KLKB1: variants seen among roughly 807,000 people sequenced by gnomAD.
KLKB1 encodes the protein plasma kallikrein.
Under a neutral mutation model 73.6 loss-of-function variants are expected in KLKB1, and 58 were observed. That is an observed-to-expected ratio of 0.79 (90% CI 0.64 to 0.98). The LOEUF is 0.98. Ranked by LOEUF, KLKB1 falls within the 50% of genes least tolerant of loss-of-function variation. The pLI is 0.00. For synonymous variants in KLKB1, 280 were observed against 258.1 expected (o/e 1.08, Z -0.81); for missense variants, 737 against 763.8 (o/e 0.96, Z 0.41).
At chr4:186,250,972 A>G (rs1362644555) in intron 7 of KLKB1, 5 of 495,416 alleles carry the variant, frequency 1.0e-5, no homozygotes, top group Non-Finnish European at 1.8e-5. Context: ...AGAAGGTGGA[A>G]CTTCATCATT....
intron 6 of KLKB1, among the ~76,000 whole-genome samples, chr4:186,244,046 G>C (rs1738197339): frequency 6.6e-6 from 1 of 152,286 alleles, no homozygotes; most frequent in African/African-American, 2.4e-5. Flanking sequence ...GAACAGAAAG[G>C]CTACAGGGCG....
At position 186,252,069 on chromosome 4, in the gene KLKB1, G is replaced by C; in HGVS notation, c.1197G>C (p.Trp399Cys). The change falls in exon 11 of 15, where the codon TGG (tryptophan) becomes TGC (cysteine). Residue 399 changes from tryptophan (W) to cysteine (C), a missense_variant. Physicochemically the swap from Trp to Cys is radical, Grantham distance 215. Transcript: ENST00000264690. ...TRIVGGTNSS[W>C]GEWPWQVSLQ... ...TTGTTGGAGGAACAAACTCTTCTTG[G>C]GGAGAGTGGCCCTGGCAGGTGAGCC... 1 of 1,614,094 alleles carries C rather than the reference G, an allele frequency of 6.2e-7. No homozygotes were observed. The highest frequency in any genetic ancestry group is 1.1e-5 in the South Asian group (1 of 91,080).
rs1739109217 is a variant in KLKB1, at chr4:186,258,024, G to T, written c.1729G>T (p.Asp577Tyr). Reference sequence around the variant, plus strand: ...TTATTTTTCCACTGTGACTCAGGGAGATTCAGGTGGTCCCTTAGTTTGCAA... The same window carrying T: ...TTATTTTTCCACTGTGACTCAGGGATATTCAGGTGGTCCCTTAGTTTGCAA... Reference protein sequence around the residue: ...KEGGKDACKGDSGGPLVCKHN... With the variant: ...KEGGKDACKGYSGGPLVCKHN... The change falls in exon 15 of 15, where the codon GAT becomes TAT. Residue 577 changes from aspartate (D) to tyrosine (Y), a missense_variant. Physicochemically the swap from Asp to Tyr is radical, Grantham distance 160. Transcript: ENST00000264690. The T allele has an allele frequency of 6.2e-7, 1 of 1,613,866 alleles. No homozygotes were observed. The highest frequency in any genetic ancestry group is 8.5e-7 in the Non-Finnish European group (1 of 1,179,746).
chr4:186,211,822 C>A (rs1299443666), intron 2 of KLKB1: 1 of 152,134 alleles, frequency 6.6e-6, no homozygotes, highest in Non-Finnish European at 1.5e-5. Context: ...GATTTTATAA[C>A]CTGGAGCAGA....
chr4:186,221,566 G>C (rs1737033540), upstream of KLKB1, among the ~76,000 whole-genome samples: 1 of 151,976 alleles, frequency 6.6e-6, no homozygotes, highest in Non-Finnish European at 1.5e-5. Context: ...TGGTTGTTCA[G>C]GAGTATGTTA....
At chr4:186,240,372 A>AT (rs1737964151) in intron 6 of KLKB1, among the ~76,000 whole-genome samples, 1 of 152,122 alleles carries the variant, frequency 6.6e-6, no homozygotes, top group Non-Finnish European at 1.5e-5. Flanking sequence ...GGACAGTGAT[A>AT]TTGTTATAGT....
At chr4:186,250,508 A>G (rs1738615273) in intron 7 of KLKB1, 106 bp downstream of exon 7, 2 of 1,330,708 alleles carry the variant, frequency 1.5e-6, no homozygotes, top group Non-Finnish European at 2.1e-6. Context: ...AGTTTCGTTC[A>G]TTTCCCTCAA....
At chr4:186,225,423 CTTTT>C (rs35336018), upstream of KLKB1, among the ~76,000 whole-genome samples, 3 of 106,674 alleles carry the variant, frequency 2.8e-5, no homozygotes, top group Admixed American at 2.0e-4. Flanking sequence ...GTGAGGATTT[CTTTT>C]TTTTTTTTTT....
chr4:186,254,031 T>C (rs1050613197), intron 11 of KLKB1, among the ~76,000 whole-genome samples: 2 of 152,022 alleles, frequency 1.3e-5, no homozygotes, highest in African/African-American at 4.8e-5. Context: ...CGAGGTTTCA[T>C]CATGTTGGTC....
At chr4:186,243,660 ACCT>A (rs1424969310) in intron 6 of KLKB1, among the ~76,000 whole-genome samples, 1 of 152,020 alleles carries the variant, frequency 6.6e-6, no homozygotes, top group Non-Finnish European at 1.5e-5. Context: ...TAGTGAGGAA[ACCT>A]CCTTCAGCCC....
chr4:186,251,195 C>A, intron 7 of KLKB1, 24 bp from the exon 8 acceptor site: 1 of 1,492,638 alleles, frequency 6.7e-7, no homozygotes, highest in South Asian at 1.1e-5. Flanking sequence ...TTCTTTCTCT[C>A]TTGCTTTTTT....
At chr4:186,221,200 A>T (rs1184886370) in intron 2 of KLKB1, among the ~76,000 whole-genome samples, 1 of 151,242 alleles carries the variant, frequency 6.6e-6, no homozygotes, top group Non-Finnish European at 1.5e-5. Flanking sequence ...TTTTTCTCCT[A>T]ATTAGGCTAA....
Position 186,254,611 on chromosome 4 carries a change from G to T in KLKB1, c.1337G>T (p.Arg446Leu). The change falls in exon 12 of 15, where the codon CGC becomes CTC. Residue 446 changes from arginine to leucine, a missense_variant. Arg to Leu is a moderately radical substitution (Grantham distance 102). Transcript: ENST00000264690. The part of the protein sequence containing the change: ...FDGLPLQDVW[R>L]IYSGILNLSD... ...AGGCTTCCCCTGCAGGATGTTTGGCGCATCTATAGTGGCATTTTAAATCTG... is the reference window on the plus strand; with the variant it reads ...AGGCTTCCCCTGCAGGATGTTTGGCTCATCTATAGTGGCATTTTAAATCTG... The T allele has an allele frequency of 4.3e-6, 7 of 1,613,884 alleles. No individual in the cohort carries two copies. Among genetic ancestry groups the T allele is most frequent in the Non-Finnish European group, 5.9e-6 (7 of 1,179,818 alleles).
chr4:186,215,677 G>A (rs1332441535), intron 2 of KLKB1, among the ~76,000 whole-genome samples: 1 of 152,036 alleles, frequency 6.6e-6, no homozygotes, highest in Middle Eastern at 3.2e-3. Flanking sequence ...GCGCTCAAGG[G>A]ATCATCCCAC....
intron 2 of KLKB1, among the ~76,000 whole-genome samples, chr4:186,215,409 CTTTCTCTCT>C (rs1209599727): frequency 8.3e-4 from 6 of 7,268 alleles, no homozygotes; most frequent in Non-Finnish European, 5.4e-3. Context: ...TCTTTCCTTG[CTTTCTCTCT>C]TGCTTTCTCT....
intron 6 of KLKB1, among the ~76,000 whole-genome samples, chr4:186,248,798 A>G (rs1738520317): frequency 6.6e-6 from 1 of 152,148 alleles, no homozygotes; most frequent in Non-Finnish European, 1.5e-5. Context: ...TACCAGCAAC[A>G]ATTGAGGGCT....
upstream of KLKB1, among the ~76,000 whole-genome samples, chr4:186,226,641 C>T (rs574934609): frequency 9.9e-4 from 151 of 152,304 alleles, no homozygotes; most frequent in African/African-American, 3.5e-3. Flanking sequence ...ATGGGGATCA[C>T]CTGGCACCTG....
At chr4:186,216,024 G>A (rs1398064676) in intron 2 of KLKB1, among the ~76,000 whole-genome samples, 2 of 152,116 alleles carry the variant, frequency 1.3e-5, no homozygotes, top group South Asian at 2.1e-4. Context: ...ACCTCAAGAC[G>A]ACATTTGCTC....
At chr4:186,226,283 C>G (rs181660274), upstream of KLKB1, among the ~76,000 whole-genome samples, 226 of 152,240 alleles carry the variant, frequency 1.5e-3, 2 homozygotes, top group African/African-American at 5.2e-3. Context: ...TTAGGGTCAC[C>G]TCCTGCTGCT....
Sources: allele counts gnomAD v4.1 joint callset (sites outside exome capture counted in the v4.1 genomes callset), GRCh38; gene constraint gnomAD v4.1.1; transcripts MANE v1.5; gene names NCBI Gene and HGNC (gene_info 2026-07-23, HGNC 2026-07-21).